The following UBE2E2 variants were observed in gnomAD, a reference collection of about 807,000 sequenced individuals.
UBE2E2 encodes the protein ubiquitin conjugating enzyme E2 E2, also known as ubiquitin-conjugating enzyme E2 E2.
Under a neutral mutation model 24.7 loss-of-function variants are expected in UBE2E2, and 6 were observed. The ratio of observed to expected loss-of-function variants is 0.24; its 90% CI spans 0.13 to 0.48. The LOEUF (loss-of-function observed/expected upper bound fraction) is 0.48. Among genes scored for constraint, UBE2E2 ranks in the 20% least tolerant of loss-of-function variants. The pLI, the probability that UBE2E2 is intolerant of heterozygous loss-of-function variation, is 0.99. For synonymous variants in UBE2E2, 104 were observed against 83.6 expected, an observed-to-expected ratio of 1.24 and a Z score of -1.33; for missense variants, 169 against 245.0, an observed-to-expected ratio of 0.69 and a Z score of 2.07.
intron 3 of UBE2E2, among the ~76,000 whole-genome samples, chr3:23,424,457 A>G (rs181210293): frequency 1.4e-5 from 2 of 143,798 alleles, no homozygotes; most frequent in East Asian, 2.0e-4. Flanking sequence ...TTTTTTCTGT[A>G]TTTGCTTTAA....
chr3:23,328,514 C>T (rs1442537585), intron 3 of UBE2E2, among the ~76,000 whole-genome samples: 1 of 152,106 alleles, frequency 6.6e-6, no homozygotes, highest in East Asian at 1.9e-4. Context: ...TAGGGTAAAG[C>T]TATGATGTTT....
Position 23,456,597 on chromosome 3 carries a change from T to C in UBE2E2, c.228-43011T>C, listed in dbSNP as rs533663427. Among the ~76,000 whole-genome samples the C allele has an allele frequency of 2.6e-5, 4 of 152,332 alleles. No individual in the cohort carries two copies. In the East Asian group the frequency reaches 7.7e-4, roughly 29 times the overall value. ...AGAGCTCTTCGGTGACCAGGTGCAT[T>C]GTCAGTGAGCAGTAGTGTTTTGAAG... On this transcript the variant is annotated intron_variant, in intron 3 of 5. Coordinates refer to ENST00000396703, the MANE Select transcript of UBE2E2 (RefSeq NM_152653.4).
intron 5 of UBE2E2, among the ~76,000 whole-genome samples, chr3:23,568,190 G>A (rs879890456): frequency 5.9e-5 from 9 of 152,252 alleles, no homozygotes; most frequent in Admixed American, 5.9e-4. Flanking sequence ...CACACGTGGT[G>A]GAGACCACGG....
At chr3:23,241,855 C>T (rs1256964844) in intron 3 of UBE2E2, among the ~76,000 whole-genome samples, 3 of 152,164 alleles carry the variant, frequency 2.0e-5, no homozygotes, top group Admixed American at 6.5e-5. Flanking sequence ...TACCACTCCT[C>T]AGAAGCCTGC....
chr3:23,227,801 C>G (rs1312026505), intron 3 of UBE2E2, among the ~76,000 whole-genome samples: 1 of 152,180 alleles, frequency 6.6e-6, no homozygotes, highest in Non-Finnish European at 1.5e-5. Context: ...GGAGCATGGT[C>G]TTGCCTTATG....
At chr3:23,388,534 C>A (rs1386020190) in intron 3 of UBE2E2, among the ~76,000 whole-genome samples, 1 of 152,066 alleles carries the variant, frequency 6.6e-6, no homozygotes, top group Non-Finnish European at 1.5e-5. Context: ...TTTATTAGCA[C>A]CTTAAAATAT....
intron 3 of UBE2E2, among the ~76,000 whole-genome samples, chr3:23,424,144 C>T (rs1206894958): frequency 6.6e-6 from 1 of 152,168 alleles, no homozygotes; most frequent in Non-Finnish European, 1.5e-5. Context: ...TTCTCTCAAA[C>T]CCTTCAGAAA....
intron 5 of UBE2E2, among the ~76,000 whole-genome samples, chr3:23,543,844 G>A (rs1325666810): frequency 6.6e-6 from 1 of 152,132 alleles, no homozygotes; most frequent in Admixed American, 6.6e-5. Context: ...GTAACCAACA[G>A]CATGGTATTG....
intron 3 of UBE2E2, among the ~76,000 whole-genome samples, chr3:23,222,797 T>C (rs1696691884): frequency 6.6e-6 from 1 of 152,016 alleles, no homozygotes; most frequent in Non-Finnish European, 1.5e-5. Context: ...ACCTTTGTAC[T>C]GTTCTCCATA....
At position 23,208,697 on chromosome 3, in the gene UBE2E2, A is replaced by G. The variant is rs1696223217; in HGVS notation, c.-3A>G. The G allele has an allele frequency of 1.2e-6, 2 of 1,600,784 alleles. No homozygotes were observed. The highest frequency in any genetic ancestry group is 1.1e-5 in the South Asian group (1 of 88,052). On this transcript the variant is annotated 5_prime_UTR_variant, in exon 2 of 6. Coordinates refer to ENST00000396703, the MANE Select transcript of UBE2E2 (RefSeq NM_152653.4). The stretch of plus-strand genomic sequence containing the variant: ...TTTTTGATTCTTTAATCCAGGATCT[A>G]AAATGTCCACTGAGGCACAAAGAGT...
chr3:23,225,845 T>G (rs1365824790), intron 3 of UBE2E2, among the ~76,000 whole-genome samples: 1 of 152,038 alleles, frequency 6.6e-6, no homozygotes, highest in Non-Finnish European at 1.5e-5. Context: ...ATTTTACTAC[T>G]CATGGGAGCC....
chr3:23,290,003 T>C (rs1340315643), intron 3 of UBE2E2, among the ~76,000 whole-genome samples: 10 of 152,256 alleles, frequency 6.6e-5, no homozygotes. Context: ...AGGACTCATT[T>C]AAAACATTTC....
intron 3 of UBE2E2, among the ~76,000 whole-genome samples, chr3:23,391,560 T>C (rs1341568861): frequency 1.3e-5 from 2 of 152,222 alleles, no homozygotes; most frequent in East Asian, 3.8e-4. Flanking sequence ...ATTTGGATTT[T>C]TAGTTGACTC....
intron 5 of UBE2E2, among the ~76,000 whole-genome samples, chr3:23,577,102 G>A (rs1376243703): frequency 1.3e-5 from 2 of 151,810 alleles, no homozygotes; most frequent in African/African-American, 4.8e-5. Flanking sequence ...TGCTACTATT[G>A]TAATTGATTT....
At chr3:23,562,888 T>A (rs921043347) in intron 5 of UBE2E2, among the ~76,000 whole-genome samples, 2 of 152,224 alleles carry the variant, frequency 1.3e-5, no homozygotes, top group Non-Finnish European at 2.9e-5. Flanking sequence ...CGATGGTAGT[T>A]TGTATTTCTG....
At chr3:23,298,241 A>T (rs1698969116) in intron 3 of UBE2E2, among the ~76,000 whole-genome samples, 1 of 152,172 alleles carries the variant, frequency 6.6e-6, no homozygotes, top group African/African-American at 2.4e-5. Context: ...AAACAGGGAC[A>T]ATTTGACTTC....
At chr3:23,289,521 A>G (rs953960532) in intron 3 of UBE2E2, among the ~76,000 whole-genome samples, 11 of 152,232 alleles carry the variant, frequency 7.2e-5, no homozygotes, top group African/African-American at 2.2e-4. Context: ...AATGTGATGG[A>G]TGAATAGGAA....
At chr3:23,353,068 G>C (rs547021612) in intron 3 of UBE2E2, among the ~76,000 whole-genome samples, 2 of 152,302 alleles carry the variant, frequency 1.3e-5, no homozygotes, top group Admixed American at 1.3e-4. Context: ...TGGGATGCAA[G>C]GCTGGTTCAA....
chr3:23,331,738 A>G (rs1695064625), intron 3 of UBE2E2, among the ~76,000 whole-genome samples: 5 of 152,050 alleles, frequency 3.3e-5, no homozygotes, highest in Admixed American at 2.6e-4. Context: ...AGAGAGAGGA[A>G]GTAGGGGATT....
Sources: allele counts gnomAD v4.1 joint callset (sites outside exome capture counted in the v4.1 genomes callset), GRCh38; gene constraint gnomAD v4.1.1; transcripts MANE v1.5; gene names NCBI Gene and HGNC (gene_info 2026-07-23, HGNC 2026-07-21).